Variants in CLK2 observed in about 807,000 individuals in gnomAD.
CLK2 encodes CDC like kinase 2.
Under a neutral mutation model 73.5 loss-of-function variants are expected in CLK2, and 12 were observed. The ratio of observed to expected loss-of-function variants is 0.16; its 90% confidence interval spans 0.10 to 0.26. The LOEUF is 0.26. CLK2 is among the 10% of genes least tolerant of loss of function. The pLI, the probability that CLK2 is intolerant of heterozygous loss-of-function variation, is 1.00. For missense variants in CLK2, 509 were observed against 688.4 expected (o/e 0.74, Z 2.92); for synonymous variants, 232 against 237.9 (o/e 0.98, Z 0.23).
Position 155,270,838 on chromosome 1 carries a change from C to T in CLK2, c.140G>A (p.Arg47Gln), listed in dbSNP as rs373922154. The change falls in exon 2 of 13, where the codon CGA becomes CAA. Residue 47 changes from arginine (R) to glutamine (Q), a missense_variant. Physicochemically the swap from Arg to Gln is conservative, Grantham distance 43 (BLOSUM62 1). This residue lies in a region of CLK2 where 222 missense variants were observed against 221.7 expected (regional missense o/e 1.00). Coordinates refer to ENST00000368361, the MANE Select transcript of CLK2 (RefSeq NM_001294338.2). ...AGAACGGACATGGTAGCTGTCCTCT[C>T]GCCGACGCCGTCGTGTCCGGTCACT... ...SSSDRTRRRR[R>Q]EDSYHVRSRS... 1.8e-5 allele frequency: 29 copies of T among 1,612,480 alleles called. No individual in the cohort carries two copies. The highest frequency in any genetic ancestry group is 6.7e-5 in the East Asian group (3 of 44,846).
rs535461889 is a variant in CLK2 at position 155,268,603 on chromosome 1, A to C, written c.487+105T>G. ...GCAACTCAAACCACCCAGATAAACA[A>C]CACCACTGAGAAAAGGCAAGAGGCT... On this transcript the variant is annotated intron_variant, in intron 4 of 12. Coordinates refer to ENST00000368361, the MANE Select transcript of CLK2 (RefSeq NM_001294338.2). The surrounding 1 kb of genome is among the most constrained non-coding windows in gnomAD (Gnocchi z 5.6). 7.5e-5 allele frequency: 82 copies of C among 1,099,106 alleles called. No homozygotes were observed. The highest frequency in any genetic ancestry group is 1.2e-4 in the African/African-American group (8 of 64,966). 68.1% of individuals were successfully genotyped at this position (1,099,106 alleles called of 1,614,324 possible). A position where few individuals can be genotyped will look rare whatever the true frequency, so the allele number is the denominator to read the frequency against.
At chr1:155,266,492 T>C (rs916866494) in intron 7 of CLK2, among the ~76,000 whole-genome samples, 2 of 152,246 alleles carry the variant, frequency 1.3e-5, no homozygotes, top group African/African-American at 4.8e-5. Flanking sequence ...AGTGCTTTGA[T>C]TCCAAAGGCT....
rs1309048156 is a variant in CLK2, at chr1:155,269,585, T to C, written c.302A>G (p.Tyr101Cys). Residue 101 changes from tyrosine to cysteine, a missense_variant, in exon 3 of 13, where the codon TAT (tyrosine) becomes TGT (cysteine). Coordinates refer to ENST00000368361, the MANE Select transcript of CLK2 (RefSeq NM_001294338.2). ...YDTDYRHSYEYQRENSSYRSQ... is the reference protein window; with the variant it reads ...YDTDYRHSYECQRENSSYRSQ... ...GCGGTAACTGCTGTTCTCCCGCTGA[T>C]ATTCATAGGAATGCCGATAGTCTGT... The C allele has an allele frequency of 1.9e-6, 3 of 1,614,256 alleles. No homozygotes were observed. Among genetic ancestry groups the C allele is most frequent in the East Asian group, 2.2e-5 (1 of 44,888 alleles).
In CLK2 at chr1:155,268,057, C is replaced by T. The variant is rs1200228380; in HGVS notation, c.624G>A (p.Glu208=). ...VEKYKEAARL[E]INVLEKINEK... ...CATTGATTTTCTCTAGCACGTTGAT[C>T]TCAAGTCGAGCTGCTTCCTTGTACT... The change falls in exon 6 of 13, where the codon GAG becomes GAA. Residue 208 remains glutamate, a synonymous_variant. Transcript: ENST00000368361. This position sits in a 1 kb window ranked among gnomAD's most constrained non-coding sequence, Gnocchi z 5.6. The T allele has an allele frequency of 6.2e-7, 1 of 1,614,010 alleles. No individual in the cohort carries two copies. The highest frequency in any genetic ancestry group is 1.3e-5 in the African/African-American group (1 of 74,914).
intron 1 of CLK2, 111 bp from the exon 2 acceptor site, chr1:155,271,088 C>CT: frequency 8.9e-7 from 1 of 1,124,260 alleles, no homozygotes; most frequent in South Asian, 1.4e-5. Context: ...ATTTCTGCCT[C>CT]TTTTTACCAG....
chr1:155,267,842 G>GC (rs150618341), intron 6 of CLK2, among the ~76,000 whole-genome samples, 168 bp downstream of exon 6: 134 of 150,802 alleles, frequency 8.9e-4, no homozygotes, highest in East Asian at 5.1e-3. Flanking sequence ...AATGTCATGG[G>GC]CCCCCCCCCT....
rs372583485 is a variant in CLK2, at chr1:155,270,997, G to A, written c.1-20C>T. On this transcript the variant is annotated intron_variant, in intron 1 of 12. Transcript: ENST00000368361. The stretch of plus-strand genomic sequence containing the variant: ...CGGCATCTGGAAGGCAAGGGAAAGC[G>A]GAAATAGGAAAGTTTCGAGTTTTCA... 2.7e-4 allele frequency: 429 copies of A among 1,598,380 alleles called. No homozygotes were observed. The highest frequency in any genetic ancestry group is 3.3e-4 in the Non-Finnish European group (382 of 1,166,774).
chr1:155,269,077 A>G, intron 3 of CLK2: 1 of 539,046 alleles, frequency 1.9e-6, no homozygotes, highest in Non-Finnish European at 3.3e-6. Context: ...CCACAACCCC[A>G]TGCTCTACAC....
intron 8 of CLK2, 66 bp downstream of exon 8, chr1:155,265,794 C>G: frequency 1.9e-6 from 2 of 1,054,852 alleles, no homozygotes; most frequent in Admixed American, 1.7e-5. Context: ...ACAAAGGGCT[C>G]GGCAGAAGGC....
chr1:155,269,643 A>G lies in CLK2; in HGVS notation c.244T>C (p.Tyr82His), dbSNP rs760760459. 3.7e-6 allele frequency: 6 copies of G among 1,614,118 alleles called. No homozygotes were observed. The African/African-American group carries it at 5.3e-5, about 14-fold the overall frequency. Residue 82 changes from tyrosine to histidine, a missense_variant, in exon 3 of 13, where the codon TAT (tyrosine) becomes CAT (histidine). Tyr to His is a moderately conservative substitution (Grantham distance 83). Coordinates refer to ENST00000368361, the MANE Select transcript of CLK2 (RefSeq NM_001294338.2). ...RYCGSYRRND[Y>H]SRDRGDAYYD... ...TAGGCATCTCCCCGATCCCGGCTAT[A>G]ATCGTTGCGTCTGTAGCTGCCACAG...
At chr1:155,270,020 C>T (rs1673424478) in intron 2 of CLK2, among the ~76,000 whole-genome samples, 1 of 152,116 alleles carries the variant, frequency 6.6e-6, no homozygotes, top group Admixed American at 6.5e-5. Context: ...ATGAAATCCC[C>T]CCTTGCTCTA....
In CLK2 at chr1:155,263,380, T is replaced by C. The variant is rs1008499760; in HGVS notation, c.1338A>G (p.Ala446=). ...KPLRRYLTSE[A]EEHHQLFDLI... ...GATCGAAGAGCTGGTGGTGTTCCTC[T>C]GCCTCTGAGGTCAGATACCGCTGGT... The change falls in exon 13 of 13, where the codon GCA becomes GCG. Residue 446 remains alanine, a synonymous_variant. Coordinates refer to ENST00000368361, the MANE Select transcript of CLK2 (RefSeq NM_001294338.2). The C allele has an allele frequency of 6.2e-7, 1 of 1,614,106 alleles. No individual in the cohort carries two copies. Among genetic ancestry groups the C allele is most frequent in the Non-Finnish European group, 8.5e-7 (1 of 1,180,032 alleles).
rs747197029 is a variant in CLK2, at chr1:155,263,405, TGGA to T, written c.1318-8_1318-6del. 5.0e-6 allele frequency: 8 copies of T among 1,613,922 alleles called. No homozygotes were observed. Among genetic ancestry groups the T allele is most frequent in the Middle Eastern group, 1.7e-4 (1 of 6,058 alleles). ...TGCCTCTGAGGTCAGATACCGCTGG[TGGA>T]GGAGGGCAGGAAAAAGGTGAGGCAG... On this transcript the variant is annotated splice_region_variant and splice_polypyrimidine_tract_variant and intron_variant, in intron 12 of 12. Transcript: ENST00000368361.
In CLK2 at chr1:155,264,255, C is replaced by T; in HGVS notation, c.1192G>A (p.Gly398Ser). 6.2e-7 allele frequency: 1 copy of T among 1,614,160 alleles called. No individual in the cohort carries two copies. Among genetic ancestry groups the T allele is most frequent in the South Asian group, 1.1e-5 (1 of 91,082 alleles). Residue 398 changes from glycine (G) to serine (S), a missense_variant, in exon 11 of 13, where the codon GGT (glycine) becomes AGT (serine). By Grantham distance (56) the Gly-to-Ser change is moderately conservative (BLOSUM62 0). This residue lies in a region of CLK2 where 134 missense variants were observed against 146.0 expected (regional missense o/e 0.92). Transcript: ENST00000368361. ...EHLAMMERIL[G>S]PIPSRMIRKT... Reference sequence around the variant, plus strand: ...CGGATCATCCGGGAAGGGATAGGACCCAAGATCCTTTCCATCATGGCTAGA... The same window carrying T: ...CGGATCATCCGGGAAGGGATAGGACTCAAGATCCTTTCCATCATGGCTAGA...
chr1:155,265,974 G>C lies in CLK2; in HGVS notation c.839-20C>G, dbSNP rs1673212992. The C allele has an allele frequency of 6.4e-7, 1 of 1,557,178 alleles. No homozygotes were observed. Among genetic ancestry groups the C allele is most frequent in the Non-Finnish European group, 8.9e-7 (1 of 1,128,356 alleles). On this transcript the variant is annotated intron_variant, in intron 7 of 12. Coordinates refer to ENST00000368361, the MANE Select transcript of CLK2 (RefSeq NM_001294338.2). ...GGAGGACTGTAGGGGAGAAGGCCAG[G>C]TCAGGCTTGGTGCAGGTGGCCAGAG...
Position 155,269,366 on chromosome 1 carries a change from C to T in CLK2, c.399+122G>A, listed in dbSNP as rs1212912732. The T allele has an allele frequency of 8.2e-6, 7 of 849,908 alleles. No individual in the cohort carries two copies. The East Asian group carries it at 1.8e-4, about 22-fold the overall frequency. 52.6% of individuals were successfully genotyped at this position (849,908 alleles called of 1,614,324 possible). On this transcript the variant is annotated intron_variant, in intron 3 of 12. Transcript: ENST00000368361. ...GAGCTTCCAAGAAAGTAGGCAAACT[C>T]AGTGCCCACCTCAGTGTTCATGCCC...
At chr1:155,272,461 G>A (rs974245874) in intron 1 of CLK2, among the ~76,000 whole-genome samples, 3 of 152,072 alleles carry the variant, frequency 2.0e-5, no homozygotes, top group African/African-American at 7.2e-5. Flanking sequence ...CCAGGAAGAT[G>A]AGAATAGGAA....
chr1:155,263,401 C>A lies in CLK2; in HGVS notation c.1318-1G>T. On this transcript the variant is annotated splice_acceptor_variant, in intron 12 of 12. Coordinates refer to ENST00000368361, the MANE Select transcript of CLK2 (RefSeq NM_001294338.2). LOFTEE classifies it high-confidence loss of function. The stretch of plus-strand genomic sequence containing the variant: ...CCTCTGCCTCTGAGGTCAGATACCG[C>A]TGGTGGAGGAGGGCAGGAAAAAGGT... The A allele has an allele frequency of 6.2e-7, 1 of 1,613,948 alleles. No homozygotes were observed. The highest frequency in any genetic ancestry group is 8.5e-7 in the Non-Finnish European group (1 of 1,180,008).
At chr1:155,267,924 CCT>C (rs745846485) in intron 6 of CLK2, 84 bp downstream of exon 6, 92 of 877,338 alleles carry the variant, frequency 1.0e-4, no homozygotes, top group Admixed American at 5.2e-4. Flanking sequence ...CTAGGACTCC[CCT>C]GTCTGCCTAA....
Sources: gnomAD v4.1 joint callset for allele counts (sites outside exome capture counted in the v4.1 genomes callset) on GRCh38, gnomAD v4.1.1 for gene constraint, gnomAD v4.1.1 regional missense constraint, Gnocchi (gnomAD v3.1) non-coding constraint, MANE v1.5 for transcripts, NCBI Gene and HGNC (gene_info 2026-07-23, HGNC 2026-07-21) for gene names.